Variants in NIN observed in about 807,000 individuals in gnomAD.
NIN encodes the protein ninein, also known as glycogen synthase kinase 3 beta-interacting protein.
Under a neutral mutation model 257.6 loss-of-function variants are expected in NIN, and 137 were observed. The ratio of observed to expected loss-of-function variants is 0.53; its 90% CI spans 0.46 to 0.61. The LOEUF is 0.61. NIN is among the 20% of genes least tolerant of loss of function. The pLI, the probability that NIN is intolerant of heterozygous loss-of-function variation, is 0.00. For synonymous variants in NIN, 918 were observed against 919.8 expected, an observed-to-expected ratio of 1.00 and a Z score of 0.04; for missense variants, 2,439 against 2,501.2, an observed-to-expected ratio of 0.98 and a Z score of 0.53.
chr14:50,735,909 C>G (rs1050616734), intron 27 of NIN, among the ~76,000 whole-genome samples: 1 of 152,198 alleles, frequency 6.6e-6, no homozygotes, highest in Non-Finnish European at 1.5e-5. Flanking sequence ...CACACACCCA[C>G]ACATATGTAC....
intron 20 of NIN, among the ~76,000 whole-genome samples, chr14:50,754,024 T>C (rs2041916341): frequency 6.6e-6 from 1 of 152,364 alleles, no homozygotes; most frequent in South Asian, 2.1e-4. Context: ...TTTCCCAATA[T>C]GTCCTTGTCT....
intron 2 of NIN, among the ~76,000 whole-genome samples, chr14:50,826,979 T>C (rs1449264446): frequency 6.6e-6 from 1 of 152,210 alleles, no homozygotes; most frequent in Non-Finnish European, 1.5e-5. Context: ...TTACTTACTC[T>C]ACAGCTGACG....
intron 29 of NIN, chr14:50,727,587 C>T: frequency 1.1e-5 from 15 of 1,369,812 alleles, no homozygotes; most frequent in Non-Finnish European, 1.5e-5. Context: ...CACTTAATTC[C>T]AACATATCTT....
Position 50,722,010 on chromosome 14 carries a change from C to A in NIN, c.*1453G>T, listed in dbSNP as rs898664519. ...TGTTCACCTTTTGTAAATAGATGGGCTTGGCCCTCCAGGAATATATCAAAG... is the reference window on the plus strand; with the variant it reads ...TGTTCACCTTTTGTAAATAGATGGGATTGGCCCTCCAGGAATATATCAAAG... On this transcript the variant is annotated 3_prime_UTR_variant, in exon 31 of 31. Coordinates refer to ENST00000530997, the MANE Select transcript of NIN (RefSeq NM_020921.4). 82 of 228,840 alleles carry A rather than the reference C, an allele frequency of 3.6e-4. No individual in the cohort carries two copies. Among genetic ancestry groups the A allele is most frequent in the African/African-American group, 1.5e-3 (70 of 45,188 alleles). The allele number at this position is 228,840 out of a possible 1,614,324, so 14.2% of individuals were successfully genotyped here.
chr14:50,725,674 C>A (rs1005992244), intron 30 of NIN, among the ~76,000 whole-genome samples: 1 of 151,704 alleles, frequency 6.6e-6, no homozygotes, highest in Non-Finnish European at 1.5e-5. Flanking sequence ...TTTTTTTGAT[C>A]TTTAAAATCT....
intron 2 of NIN, 73 bp from the exon 3 acceptor site, chr14:50,822,150 T>C: frequency 1.9e-6 from 2 of 1,069,884 alleles, no homozygotes; most frequent in Non-Finnish European, 2.8e-6. Context: ...ACCTGGCACA[T>C]TCCCGTTCTC....
intron 5 of NIN, among the ~76,000 whole-genome samples, chr14:50,779,540 CGAG>C (rs1566838988): frequency 6.6e-6 from 1 of 152,024 alleles, no homozygotes; most frequent in African/African-American, 2.4e-5. Flanking sequence ...GGGCGGATCA[CGAG>C]GTCAGGAGAT....
In NIN at chr14:50,793,840, T is replaced by C. The variant is rs191067546; in HGVS notation, c.266-959A>G. On this transcript the variant is annotated intron_variant, in intron 4 of 30. Transcript: ENST00000530997. ...CTCTATTCAAATGTTATCTCAGCTA[T>C]AGATTTTTTAGCACCTTGTACAGCA... 7.4e-5 allele frequency among the ~76,000 whole-genome samples: 11 copies of C among 147,800 alleles called. No homozygotes were observed. In the East Asian group the frequency reaches 1.9e-3, roughly 26 times the overall value.
At chr14:50,750,910 C>T (rs532064681) in intron 21 of NIN, among the ~76,000 whole-genome samples, 7 of 152,192 alleles carry the variant, frequency 4.6e-5, no homozygotes, top group Non-Finnish European at 1.0e-4. Flanking sequence ...CCCTTTCCCA[C>T]CCTCCCTTTT....
At chr14:50,749,205 T>G (rs1332315876) in intron 21 of NIN, among the ~76,000 whole-genome samples, 2 of 152,108 alleles carry the variant, frequency 1.3e-5, no homozygotes, top group Non-Finnish European at 2.9e-5. Flanking sequence ...AAACAAGAAA[T>G]GGGGAAAGGA....
chr14:50,807,280 C>T (rs2044373601), intron 3 of NIN, among the ~76,000 whole-genome samples: 1 of 152,110 alleles, frequency 6.6e-6, no homozygotes, highest in South Asian at 2.1e-4. Flanking sequence ...TATAGTCTTC[C>T]TTGAGGGAAG....
rs201581172 is a variant in NIN, at chr14:50,806,808, T to C, written c.194A>G (p.Asp65Gly). ...GAGTATTAATGCTTCTTTAAATTGG[T>C]CAAAATGTACCTAAAAAAAATTAAA... is the stretch of plus-strand genomic sequence containing the variant. ...QDNLLGRVHF[D>G]QFKEALILIL... The change falls in exon 4 of 31, where the codon GAC becomes GGC. Residue 65 changes from aspartate to glycine, a missense_variant. Around this residue, in one of 3 missense-constraint regions of NIN, gnomAD observed 387 missense variants for 427.3 expected, o/e 0.91. Coordinates refer to ENST00000530997, the MANE Select transcript of NIN (RefSeq NM_020921.4). 18 of 1,510,594 alleles carry C rather than the reference T, an allele frequency of 1.2e-5. No individual in the cohort carries two copies. The highest frequency in any genetic ancestry group is 4.6e-6 in the Non-Finnish European group (5 of 1,092,214). The allele number at this position is 1,510,594 out of a possible 1,614,324, so 93.6% of individuals were successfully genotyped here. A position where few individuals can be genotyped will look rare whatever the true frequency, so the allele number is the denominator to read the frequency against.
intron 3 of NIN, among the ~76,000 whole-genome samples, chr14:50,820,750 G>A (rs1397288833): frequency 6.6e-6 from 1 of 152,158 alleles, no homozygotes; most frequent in South Asian, 2.1e-4. Context: ...TTGCAAAGAA[G>A]TCACATATTT....
chr14:50,743,498 A>G lies in NIN; in HGVS notation c.5219T>C (p.Ile1740Thr), dbSNP rs745695810. Residue 1740 changes from isoleucine to threonine, a missense_variant, in exon 24 of 31, where the codon ATT becomes ACT. By Grantham distance (89) the Ile-to-Thr change is moderately conservative. Around this residue, in one of 3 missense-constraint regions of NIN, gnomAD observed 2,043 missense variants for 2,050.2 expected, o/e 1.00. Coordinates refer to ENST00000530997, the MANE Select transcript of NIN (RefSeq NM_020921.4). Reference protein sequence around the residue: ...LAKSSLLEHRIATMKQEQKSW... With the variant: ...LAKSSLLEHRTATMKQEQKSW... ...TTTCTGTTCCTGCTTCATCGTCGCAATTCTATGCTCTAAAAGACTTGATTT... is the reference window on the plus strand; with the variant it reads ...TTTCTGTTCCTGCTTCATCGTCGCAGTTCTATGCTCTAAAAGACTTGATTT... 3.1e-6 allele frequency: 5 copies of G among 1,613,670 alleles called. No individual in the cohort carries two copies. Among genetic ancestry groups the G allele is most frequent in the Non-Finnish European group, 4.2e-6 (5 of 1,179,612 alleles).
chr14:50,805,242 G>A (rs769255434), intron 4 of NIN, among the ~76,000 whole-genome samples: 25 of 152,144 alleles, frequency 1.6e-4, no homozygotes, highest in Admixed American at 1.1e-3. Flanking sequence ...CCCAGATGTC[G>A]CACCATTGTC....
chr14:50,830,717 C>T (rs1326753983), intron 1 of NIN, 200 bp from the exon 2 acceptor site: 1 of 36,468 alleles, frequency 2.7e-5, no homozygotes, highest in African/African-American at 7.1e-5. Flanking sequence ...ATCCTCCCCG[C>T]CCCCGCCGGC....
In NIN at chr14:50,741,627, T is replaced by G; in HGVS notation, c.5403A>C (p.Gln1801His). 6.2e-7 allele frequency: 1 copy of G among 1,614,172 alleles called. No individual in the cohort carries two copies. Among genetic ancestry groups the G allele is most frequent in the East Asian group, 2.2e-5 (1 of 44,880 alleles). ...GTTGCTTATGTAAAGACATCACTTCTTGTTTTAAAGCCTCCTTTTCCTGCT... is the reference window on the plus strand; with the variant it reads ...GTTGCTTATGTAAAGACATCACTTCGTGTTTTAAAGCCTCCTTTTCCTGCT... ...VTQQEKEALKQEVMSLHKQLQ... is the reference protein window; with the variant it reads ...VTQQEKEALKHEVMSLHKQLQ... Residue 1801 changes from glutamine (Q) to histidine (H), a missense_variant, in exon 25 of 31, where the codon CAA becomes CAC. Gln to His is a conservative substitution (Grantham distance 24, BLOSUM62 0). Transcript: ENST00000530997.
intron 3 of NIN, among the ~76,000 whole-genome samples, chr14:50,810,692 G>T (rs571725987): frequency 2.0e-5 from 3 of 151,846 alleles, no homozygotes; most frequent in South Asian, 2.1e-4. Flanking sequence ...GATGGAGTCT[G>T]GCTCTGTTGC....
intron 3 of NIN, among the ~76,000 whole-genome samples, chr14:50,818,502 T>G (rs567898827): frequency 6.6e-6 from 1 of 152,242 alleles, no homozygotes; most frequent in East Asian, 1.9e-4. Context: ...CCTCGATTTT[T>G]GTAGTATTTG....
Sources: gnomAD v4.1 joint callset for allele counts (sites outside exome capture counted in the v4.1 genomes callset) on GRCh38, gnomAD v4.1.1 for gene constraint, gnomAD v4.1.1 regional missense constraint, MANE v1.5 for transcripts, NCBI Gene and HGNC (gene_info 2026-07-23, HGNC 2026-07-21) for gene names.